Variants in BCL2L14 observed in about 807,000 individuals in gnomAD.
BCL2L14 encodes apoptosis facilitator Bcl-2-like protein 14.
BCL2L14 carries 27 observed loss-of-function variants against 35.3 expected under a neutral mutation model. The ratio of observed to expected loss-of-function variants is 0.76; its 90% CI spans 0.56 to 1.05. The LOEUF is 1.05. BCL2L14 is among the 50% of genes least tolerant of loss of function. BCL2L14 has a pLI of 0.00. For synonymous variants in BCL2L14, 139 were observed against 145.9 expected (o/e 0.95, Z 0.34); for missense variants, 377 against 382.6 (o/e 0.99, Z 0.12).
At chr12:12,051,638 C>T (rs961128572) in intron 1 of BCL2L14, among the ~76,000 whole-genome samples, 2 of 152,126 alleles carry the variant, frequency 1.3e-5, no homozygotes, top group African/African-American at 2.4e-5. Context: ...GAGTCAATTC[C>T]ATTCCTCCTA....
upstream of BCL2L14, among the ~76,000 whole-genome samples, chr12:12,068,385 T>TTGTTTGTTTTGAGACAGGG (rs1948618859): frequency 6.6e-6 from 1 of 152,112 alleles, no homozygotes; most frequent in Non-Finnish European, 1.5e-5. Flanking sequence ...GTTTTTCTGT[T>TTGTTTGTTTTGAGACAGGG]TGTTTGTTTT....
At chr12:12,095,440 C>T (rs1949295221) in intron 5 of BCL2L14, 1 of 985,346 alleles carries the variant, frequency 1.0e-6, no homozygotes, top group South Asian at 4.7e-5. Flanking sequence ...AACAGTTAAA[C>T]TTTCATCTAT....
chr12:12,072,782 G>C (rs573436052), intron 1 of BCL2L14, among the ~76,000 whole-genome samples: 1 of 152,180 alleles, frequency 6.6e-6, no homozygotes, highest in Non-Finnish European at 1.5e-5. Context: ...CTCGATCGCT[G>C]CTGCTTGAAA....
At chr12:12,070,534 A>T (rs1278166682), upstream of BCL2L14, among the ~76,000 whole-genome samples, 2 of 152,132 alleles carry the variant, frequency 1.3e-5, no homozygotes, top group East Asian at 3.9e-4. Flanking sequence ...AAAATTAGCC[A>T]GGCGTGCTGG....
chr12:12,076,027 G>A (rs1196329079), intron 1 of BCL2L14, among the ~76,000 whole-genome samples: 2 of 151,280 alleles, frequency 1.3e-5, no homozygotes, highest in Non-Finnish European at 2.9e-5. Flanking sequence ...GGGAAGTGGA[G>A]CTGGGGTGAG....
At chr12:12,069,707 CAA>C (rs34941963), upstream of BCL2L14, among the ~76,000 whole-genome samples, 29,836 of 117,362 alleles carry the variant, frequency 0.25, 3,235 homozygotes, top group South Asian at 0.36. Flanking sequence ...GACTCCGTCT[CAA>C]AAAAAAAAAA....
chr12:12,056,814 C>G (rs559628282), intron 2 of BCL2L14, among the ~76,000 whole-genome samples: 9 of 133,812 alleles, frequency 6.7e-5, no homozygotes, highest in African/African-American at 1.1e-4. Context: ...CCAGCCTGGA[C>G]GACAAGAGCG....
intron 3 of BCL2L14, among the ~76,000 whole-genome samples, chr12:12,088,038 A>G (rs568185963): frequency 6.6e-6 from 1 of 152,182 alleles, no homozygotes; most frequent in Admixed American, 6.5e-5. Flanking sequence ...CCCTCCACAA[A>G]CTACAGTGGA....
At chr12:12,081,645 G>A (rs111592371) in intron 2 of BCL2L14, among the ~76,000 whole-genome samples, 8,146 of 150,750 alleles carry the variant, frequency 0.054, 329 homozygotes, top group East Asian at 0.12. Flanking sequence ...TGCAAGCTCC[G>A]CCTCCCAGGT....
rs565328996 is a variant in BCL2L14, at chr12:12,079,622, A to C, written c.317A>C (p.Gln106Pro). 2 of 1,614,240 alleles carry C rather than the reference A, an allele frequency of 1.2e-6. No homozygotes were observed. The highest frequency in any genetic ancestry group is 1.7e-5 in the Admixed American group (1 of 60,026). Residue 106 changes from glutamine to proline, a missense_variant, in exon 2 of 6, where the codon CAG becomes CCG. Transcript: ENST00000308721. Reference sequence around the variant, plus strand: ...GGAGTAGTGGAGAAGGAAGATTCGCAGAGCACGCCTGCCAAGGTCTCTGCT... The same window carrying C: ...GGAGTAGTGGAGAAGGAAGATTCGCCGAGCACGCCTGCCAAGGTCTCTGCT... ...FFGVVEKEDS[Q>P]STPAKVSAQG...
chr12:12,065,086 T>G (rs1199108361), intron 2 of BCL2L14, among the ~76,000 whole-genome samples: 1 of 152,168 alleles, frequency 6.6e-6, no homozygotes, highest in Non-Finnish European at 1.5e-5. Flanking sequence ...CAAATTAGAC[T>G]GACGAAAGAT....
At chr12:12,067,852 T>C (rs773101745), upstream of BCL2L14, among the ~76,000 whole-genome samples, 2 of 152,212 alleles carry the variant, frequency 1.3e-5, no homozygotes, top group African/African-American at 2.4e-5. Flanking sequence ...CATAGTTGAA[T>C]GAGAGGTGGA....
At chr12:12,087,098 CCAGG>C (rs1391267214) in intron 2 of BCL2L14, 111 bp from the exon 3 acceptor site, 3 of 1,167,432 alleles carry the variant, frequency 2.6e-6, no homozygotes, top group Non-Finnish European at 3.7e-6. Context: ...ACACATACTC[CCAGG>C]CAGTTTCCTT....
intron 1 of BCL2L14, among the ~76,000 whole-genome samples, chr12:12,074,301 CTCAG>C (rs1948733599): frequency 6.6e-6 from 1 of 152,198 alleles, no homozygotes; most frequent in South Asian, 2.1e-4. Context: ...GCCCGGATAG[CTCAG>C]TCAGTAGAGC....
At chr12:12,081,150 G>A (rs1253931639) in intron 2 of BCL2L14, among the ~76,000 whole-genome samples, 1 of 152,120 alleles carries the variant, frequency 6.6e-6, no homozygotes, top group Non-Finnish European at 1.5e-5. Flanking sequence ...TGATGCCACT[G>A]CACTCCAGCC....
chr12:12,059,477 CTCA>C (rs935836516), intron 2 of BCL2L14, among the ~76,000 whole-genome samples: 23 of 152,218 alleles, frequency 1.5e-4, no homozygotes, highest in African/African-American at 4.8e-4. Flanking sequence ...GCACCCCAAC[CTCA>C]TATCTCTGCT....
intron 2 of BCL2L14, among the ~76,000 whole-genome samples, chr12:12,084,640 CA>C (rs1164187267): frequency 1.5e-5 from 2 of 136,926 alleles, no homozygotes; most frequent in Non-Finnish European, 3.3e-5. Flanking sequence ...GCCTATCAGA[CA>C]GGACCAAGTC....
Position 12,094,901 on chromosome 12 carries a change from T to A in BCL2L14, c.916T>A (p.Ser306Thr). The A allele has an allele frequency of 6.2e-7, 1 of 1,613,942 alleles. No individual in the cohort carries two copies. The highest frequency in any genetic ancestry group is 8.5e-7 in the Non-Finnish European group (1 of 1,180,026). ...FGTKYLKENF[S>T]PWIQQHGGWE... ...CACCAAGTACCTGAAAGAGAACTTC[T>A]CGCCATGGATCCAGCAGCACGGTGG... Residue 306 changes from serine to threonine, a missense_variant, in exon 5 of 6, where the codon TCG (serine) becomes ACG (threonine). By Grantham distance (58) the Ser-to-Thr change is moderately conservative (BLOSUM62 1). Transcript: ENST00000308721.
chr12:12,090,913 A>C, intron 4 of BCL2L14, 64 bp downstream of exon 4: 1 of 1,320,312 alleles, frequency 7.6e-7, no homozygotes, highest in Non-Finnish European at 1.1e-6. Flanking sequence ...ACGAGAATGG[A>C]ATTGTATTCC....
Sources: allele counts gnomAD v4.1 joint callset (sites outside exome capture counted in the v4.1 genomes callset), GRCh38; gene constraint gnomAD v4.1.1; transcripts MANE v1.5; gene names NCBI Gene and HGNC (gene_info 2026-07-23, HGNC 2026-07-21).